Variants in ATL2 observed in about 807,000 individuals in gnomAD.
ATL2 encodes atlastin-2.
Under a neutral mutation model 73.9 loss-of-function variants are expected in ATL2, and 31 were observed. That is an observed-to-expected ratio of 0.42 (90% CI 0.32 to 0.57). The LOEUF (loss-of-function observed/expected upper bound fraction) is 0.57. ATL2 is among the 20% of genes least tolerant of loss of function. The pLI is 0.14. For missense variants in ATL2, 738 were observed against 702.6 expected (o/e 1.05, Z -0.57); for synonymous variants, 291 against 237.5 (o/e 1.23, Z -2.07).
chr2:38,317,246 A>T (rs1668072838), intron 4 of ATL2, among the ~76,000 whole-genome samples: 1 of 152,158 alleles, frequency 6.6e-6, no homozygotes, highest in Non-Finnish European at 1.5e-5. Flanking sequence ...TACCCATTTT[A>T]AAAAAATATT....
chr2:38,337,486 C>CCA (rs1669432768), intron 2 of ATL2, among the ~76,000 whole-genome samples: 1 of 21,638 alleles, frequency 4.6e-5, no homozygotes, highest in Non-Finnish European at 8.6e-5. Context: ...ACTCTGTCTC[C>CCA]AAAAAAAAAA....
At chr2:38,321,376 T>G (rs1400596973) in intron 2 of ATL2, among the ~76,000 whole-genome samples, 1 of 152,180 alleles carries the variant, frequency 6.6e-6, no homozygotes, top group Non-Finnish European at 1.5e-5. Context: ...ACCTCATCTA[T>G]GCTGGTCAGA....
intron 1 of ATL2, among the ~76,000 whole-genome samples, chr2:38,374,965 A>G (rs1671879420): frequency 6.6e-6 from 1 of 152,250 alleles, no homozygotes; most frequent in South Asian, 2.1e-4. Flanking sequence ...CTTTACTGTA[A>G]GGCAGCTACT....
intron 2 of ATL2, among the ~76,000 whole-genome samples, chr2:38,342,751 T>C (rs1669795940): frequency 6.6e-6 from 1 of 152,118 alleles, no homozygotes; most frequent in Admixed American, 6.6e-5. Context: ...TTCTAGGATA[T>C]ACTCAGACAA....
intron 12 of ATL2, chr2:38,297,887 A>G (rs747377899): frequency 3.2e-5 from 10 of 309,100 alleles, no homozygotes; most frequent in Non-Finnish European, 5.9e-5. Flanking sequence ...GACCCTGCCC[A>G]CCGTCTGATA....
intron 1 of ATL2, among the ~76,000 whole-genome samples, chr2:38,350,680 C>G (rs938584411): frequency 1.3e-5 from 2 of 151,862 alleles, no homozygotes; most frequent in African/African-American, 2.4e-5. Context: ...ACGCTGATGG[C>G]GGGGGACAGT....
At chr2:38,356,194 C>T (rs1670657733) in intron 1 of ATL2, among the ~76,000 whole-genome samples, 1 of 151,780 alleles carries the variant, frequency 6.6e-6, no homozygotes, top group Non-Finnish European at 1.5e-5. Flanking sequence ...GCATTTCAAC[C>T]TACTCAGTAT....
rs566192942 is a variant in ATL2, at chr2:38,360,259, C to CTTTT, written c.119-16751_119-16748dup. On this transcript the variant is annotated intron_variant, in intron 1 of 12. Transcript: ENST00000378954. ...AGAATAAGCGATGGCTCAGGGGATT[C>CTTTT]TTTTTTTTTTTTTTAAGATTTTGGG... is the stretch of plus-strand genomic sequence containing the variant. Among the ~76,000 whole-genome samples the CTTTT allele has an allele frequency of 5.8e-3, 780 of 135,392 alleles. 8 individuals are homozygous for CTTTT. The highest frequency in any genetic ancestry group is 0.018 in the African/African-American group (692 of 37,438). The allele number at this position is 135,392 out of a possible 152,430, so 88.8% of individuals were successfully genotyped here. A position where few individuals can be genotyped will look rare whatever the true frequency, so the allele number is the denominator to read the frequency against.
chr2:38,351,577 T>A (rs1310182413), intron 1 of ATL2, among the ~76,000 whole-genome samples: 1 of 151,166 alleles, frequency 6.6e-6, no homozygotes, highest in Non-Finnish European at 1.5e-5. Flanking sequence ...CACTACAACC[T>A]CCACCTCCCA....
chr2:38,322,039 G>A (rs1424728561), intron 2 of ATL2, among the ~76,000 whole-genome samples: 1 of 152,136 alleles, frequency 6.6e-6, no homozygotes, highest in Non-Finnish European at 1.5e-5. Context: ...CCATTTATAA[G>A]GAGTTACCTT....
chr2:38,370,413 C>T (rs1220445639), intron 1 of ATL2, among the ~76,000 whole-genome samples: 4 of 138,008 alleles, frequency 2.9e-5, no homozygotes, highest in East Asian at 4.7e-4. Flanking sequence ...CGCGCCACTG[C>T]GCTCCAGCCT....
At chr2:38,338,941 C>T (rs927230659) in intron 2 of ATL2, among the ~76,000 whole-genome samples, 3 of 151,966 alleles carry the variant, frequency 2.0e-5, no homozygotes, top group South Asian at 4.1e-4. Flanking sequence ...TAGTCAAGAT[C>T]ACCAGGCTCA....
At chr2:38,331,310 C>T (rs777956548) in intron 2 of ATL2, among the ~76,000 whole-genome samples, 21 of 151,952 alleles carry the variant, frequency 1.4e-4, no homozygotes, top group Non-Finnish European at 2.4e-4. Context: ...GTGGCGCACA[C>T]CTGTAGTCCC....
intron 4 of ATL2, chr2:38,318,202 G>C (rs184770982): frequency 5.3e-6 from 1 of 187,184 alleles, no homozygotes; most frequent in Non-Finnish European, 1.1e-5. Context: ...CAAATGCCAG[G>C]CTCAGTGGCT....
intron 2 of ATL2, among the ~76,000 whole-genome samples, chr2:38,327,614 T>C (rs1448785083): frequency 1.3e-5 from 2 of 150,940 alleles, no homozygotes; most frequent in Admixed American, 1.3e-4. Context: ...AACAATCACT[T>C]TAGATGTGAA....
intron 1 of ATL2, among the ~76,000 whole-genome samples, chr2:38,348,449 A>G (rs1670151241): frequency 6.6e-6 from 1 of 150,722 alleles, no homozygotes; most frequent in African/African-American, 2.5e-5. Context: ...CTGGGCAACA[A>G]GAGCGAAACT....
At chr2:38,338,153 T>C (rs1225991456) in intron 2 of ATL2, among the ~76,000 whole-genome samples, 1 of 152,246 alleles carries the variant, frequency 6.6e-6, no homozygotes, top group African/African-American at 2.4e-5. Flanking sequence ...ATTATGTTCT[T>C]TGCAGCAACA....
chr2:38,300,482 A>G (rs1276713191), intron 9 of ATL2, 154 bp from the exon 10 acceptor site: 2 of 528,136 alleles, frequency 3.8e-6, no homozygotes, highest in South Asian at 3.2e-5. Context: ...AGTTAACCCT[A>G]TTCTCAATAT....
At chr2:38,359,097 A>C (rs1353070128) in intron 1 of ATL2, among the ~76,000 whole-genome samples, 1 of 152,220 alleles carries the variant, frequency 6.6e-6, no homozygotes, top group Non-Finnish European at 1.5e-5. Flanking sequence ...TAACAATTTC[A>C]GTTATCAAAT....
Sources: gnomAD v4.1 joint callset for allele counts (sites outside exome capture counted in the v4.1 genomes callset) on GRCh38, gnomAD v4.1.1 for gene constraint, MANE v1.5 for transcripts, NCBI Gene and HGNC (gene_info 2026-07-23, HGNC 2026-07-21) for gene names.